Variants in CCDC60 observed in about 807,000 individuals in gnomAD.
CCDC60 encodes the protein coiled-coil domain containing 60, also known as coiled-coil domain-containing protein 60.
In CCDC60, 54 loss-of-function variants were observed where a neutral mutation model predicts 63.5. That is an observed-to-expected ratio of 0.85 (90% confidence interval 0.68 to 1.07). The LOEUF is 1.07. Ranked by LOEUF, CCDC60 falls within the 50% of genes least tolerant of loss-of-function variation. The pLI, the probability that CCDC60 is intolerant of heterozygous loss-of-function variation, is 0.00. For missense variants in CCDC60, 651 were observed against 684.3 expected (o/e 0.95, Z 0.54); for synonymous variants, 206 against 238.8 (o/e 0.86, Z 1.27).
chr12:119,519,813 A>G (rs1369584334), intron 8 of CCDC60, among the ~76,000 whole-genome samples: 1 of 150,042 alleles, frequency 6.7e-6, no homozygotes, highest in Admixed American at 6.7e-5. Context: ...ATGTCACAGT[A>G]TTTTGCTGTA....
intron 1 of CCDC60, among the ~76,000 whole-genome samples, chr12:119,376,975 C>T (rs1295466840): frequency 6.6e-6 from 1 of 152,060 alleles, no homozygotes; most frequent in African/African-American, 2.4e-5. Context: ...CCAACTCAGG[C>T]CAGACACAGT....
rs577447766 is a variant in CCDC60, at chr12:119,480,756, C to A, written c.449+1555C>A. Among the ~76,000 whole-genome samples, 3 of 150,810 alleles carry A rather than the reference C, an allele frequency of 2.0e-5. No homozygotes were observed. The South Asian group carries it at 6.3e-4, about 32-fold the overall frequency. On this transcript the variant is annotated intron_variant, in intron 4 of 13. Transcript: ENST00000327554. ...CCATCATCATCACCATCATCCTCACCATCATCATCATCACCATCATCATCA... is the reference window on the plus strand; with the variant it reads ...CCATCATCATCACCATCATCCTCACAATCATCATCATCACCATCATCATCA...
intron 11 of CCDC60, among the ~76,000 whole-genome samples, chr12:119,527,676 T>TTC (rs1952720867): frequency 7.4e-6 from 1 of 134,230 alleles, no homozygotes; most frequent in Admixed American, 7.3e-5. Flanking sequence ...CTTTTTTTTT[T>TTC]TTTTTTTTTT....
intron 9 of CCDC60, among the ~76,000 whole-genome samples, chr12:119,520,705 C>A (rs1283626324): frequency 6.6e-6 from 1 of 151,996 alleles, no homozygotes; most frequent in African/African-American, 2.4e-5. Context: ...CCATGCCCTG[C>A]TAATTTTTGT....
chr12:119,369,980 G>A (rs1955881580), intron 1 of CCDC60, among the ~76,000 whole-genome samples: 1 of 152,128 alleles, frequency 6.6e-6, no homozygotes. Context: ...ACCCAGGCAG[G>A]AAATACAAAT....
At chr12:119,510,132 T>C (rs1782852138) in intron 7 of CCDC60, among the ~76,000 whole-genome samples, 3 of 152,186 alleles carry the variant, frequency 2.0e-5, no homozygotes, top group African/African-American at 7.2e-5. Flanking sequence ...CTTACTTTTC[T>C]CCATGTTGAG....
intron 5 of CCDC60, among the ~76,000 whole-genome samples, chr12:119,490,013 G>A (rs1209187070): frequency 6.6e-6 from 1 of 152,144 alleles, no homozygotes; most frequent in Non-Finnish European, 1.5e-5. Flanking sequence ...GGCCAGGATG[G>A]TCTCAATCTC....
chr12:119,469,642 C>A (rs893744722), intron 2 of CCDC60, among the ~76,000 whole-genome samples: 1 of 152,134 alleles, frequency 6.6e-6, no homozygotes, highest in Non-Finnish European at 1.5e-5. Context: ...TATTGCCCAG[C>A]GGGGGCAATT....
At chr12:119,418,386 C>CTTTTTTTTTTTTTTTTTTTTTTT (rs556783132) in intron 1 of CCDC60, among the ~76,000 whole-genome samples, 3 of 65,752 alleles carry the variant, frequency 4.6e-5, no homozygotes, top group Non-Finnish European at 8.1e-5. Context: ...TTCTTTCTTT[C>CTTTTTTTTTTTTTTTTTTTTTTT]TTTTTTTTTT....
At chr12:119,507,384 T>A (rs1311994500) in intron 7 of CCDC60, among the ~76,000 whole-genome samples, 2 of 150,542 alleles carry the variant, frequency 1.3e-5, no homozygotes, top group African/African-American at 4.9e-5. Context: ...GGGAAGAAAC[T>A]AAGATAGACC....
intron 1 of CCDC60, among the ~76,000 whole-genome samples, chr12:119,405,789 G>A (rs187160222): frequency 7.9e-5 from 12 of 152,136 alleles, no homozygotes; most frequent in African/African-American, 2.9e-4. Flanking sequence ...TCTAGTTACC[G>A]CATCCCCACA....
intron 1 of CCDC60, among the ~76,000 whole-genome samples, chr12:119,366,212 G>A (rs965066928): frequency 6.6e-6 from 1 of 151,370 alleles, no homozygotes; most frequent in African/African-American, 2.4e-5. Context: ...CAGTGACGTA[G>A]ATGTTGTGAT....
intron 1 of CCDC60, among the ~76,000 whole-genome samples, chr12:119,343,575 A>G (rs1276312006): frequency 6.6e-6 from 1 of 151,986 alleles, no homozygotes; most frequent in Non-Finnish European, 1.5e-5. Context: ...TCTTCTCCCA[A>G]GGAACCCACA....
At chr12:119,527,821 C>T (rs1487861915) in intron 11 of CCDC60, among the ~76,000 whole-genome samples, 5 of 151,594 alleles carry the variant, frequency 3.3e-5, no homozygotes, top group African/African-American at 7.3e-5. Context: ...GGACTACAGG[C>T]GCCCGCCACC....
intron 3 of CCDC60, among the ~76,000 whole-genome samples, chr12:119,478,378 T>C (rs1297397404): frequency 1.1e-4 from 16 of 150,734 alleles, no homozygotes; most frequent in Non-Finnish European, 3.0e-5. Flanking sequence ...CCAAAAAAAA[T>C]CCTATTTTCT....
At chr12:119,349,191 G>A (rs186100661) in intron 1 of CCDC60, among the ~76,000 whole-genome samples, 13 of 152,106 alleles carry the variant, frequency 8.5e-5, no homozygotes, top group Non-Finnish European at 1.6e-4. Context: ...GAGAAAATAT[G>A]CCCCCACTCT....
intron 9 of CCDC60, 124 bp from the exon 10 acceptor site, chr12:119,522,815 C>T: frequency 1.2e-6 from 1 of 827,382 alleles, no homozygotes; most frequent in Admixed American, 1.7e-5. Context: ...GTGACTGGTG[C>T]CTTGATTAGA....
At chr12:119,533,056 T>C (rs750006677) in intron 13 of CCDC60, among the ~76,000 whole-genome samples, 4 of 152,164 alleles carry the variant, frequency 2.6e-5, no homozygotes, top group Non-Finnish European at 5.9e-5. Context: ...CATTCCTATT[T>C]CTCCACATCC....
chr12:119,526,225 G>T (rs1952672297), intron 11 of CCDC60, among the ~76,000 whole-genome samples: 1 of 152,116 alleles, frequency 6.6e-6, no homozygotes, highest in Admixed American at 6.6e-5. Context: ...GAAGATTGAA[G>T]CTAGACCCCT....
Sources: allele counts gnomAD v4.1 joint callset (sites outside exome capture counted in the v4.1 genomes callset), GRCh38; gene constraint gnomAD v4.1.1; transcripts MANE v1.5; gene names NCBI Gene and HGNC (gene_info 2026-07-23, HGNC 2026-07-21).